The following EYS variants were observed in gnomAD, a reference collection of about 807,000 sequenced individuals.
The protein encoded by EYS is EGF-like photoreceptor maintenance factor, also known as protein eyes shut homolog.
In EYS, 250 loss-of-function variants were observed where a neutral mutation model predicts 282.1. The observed-to-expected ratio is 0.89, with a 90% CI of 0.80 to 0.98. The LOEUF (loss-of-function observed/expected upper bound fraction) is 0.98, where lower values mean the gene tolerates loss of function less well. Ranked by LOEUF, EYS falls within the 50% of genes least tolerant of loss-of-function variation. EYS has a pLI of 0.00. For synonymous variants in EYS, 1,355 were observed against 1,282.9 expected, an observed-to-expected ratio of 1.06 and a Z score of -1.20; for missense variants, 4,016 against 3,709.0, an observed-to-expected ratio of 1.08 and a Z score of -2.15.
At chr6:65,584,563 T>C (rs926623723) in intron 2 of EYS, among the ~76,000 whole-genome samples, 7 of 151,964 alleles carry the variant, frequency 4.6e-5, no homozygotes, top group Non-Finnish European at 1.0e-4. Flanking sequence ...TAACTTTTAG[T>C]TCCAACTGAA....
chr6:65,029,946 C>A (rs1261527908), intron 13 of EYS, among the ~76,000 whole-genome samples: 2 of 152,132 alleles, frequency 1.3e-5, no homozygotes, highest in Non-Finnish European at 2.9e-5. Context: ...CCCACTCTCA[C>A]TATGGAACAC....
intron 12 of EYS, among the ~76,000 whole-genome samples, chr6:65,141,244 A>T (rs1400979732): frequency 6.6e-6 from 1 of 152,106 alleles, no homozygotes; most frequent in African/African-American, 2.4e-5. Context: ...TCACAAGGAC[A>T]AAAAACCAAA....
chr6:65,277,251 G>T (rs1451798684), intron 12 of EYS, among the ~76,000 whole-genome samples: 1 of 151,972 alleles, frequency 6.6e-6, no homozygotes, highest in Non-Finnish European at 1.5e-5. Flanking sequence ...TGGCCAACAT[G>T]ATGAAACACC....
intron 29 of EYS, among the ~76,000 whole-genome samples, chr6:64,340,298 T>C (rs1771051059): frequency 6.6e-6 from 1 of 151,634 alleles, no homozygotes; most frequent in South Asian, 2.1e-4. Flanking sequence ...GCCAGAGGCA[T>C]CACACTACCT....
intron 41 of EYS, 50 bp downstream of exon 41, chr6:63,762,411 A>G (rs1224836109): frequency 1.3e-5 from 20 of 1,506,562 alleles, no homozygotes; most frequent in Non-Finnish European, 1.3e-5. Context: ...TGAAGTTCCT[A>G]ATTTTAGTTA....
chr6:63,787,912 C>T (rs1008770257), intron 39 of EYS, among the ~76,000 whole-genome samples, 193 bp downstream of exon 39: 6 of 152,056 alleles, frequency 3.9e-5, no homozygotes, highest in Non-Finnish European at 5.9e-5. Context: ...GCACTCCAGC[C>T]TGGGCAACAA....
chr6:65,443,166 G>GCA (rs1768446913), intron 5 of EYS, among the ~76,000 whole-genome samples: 1 of 143,298 alleles, frequency 7.0e-6, no homozygotes. Context: ...ACATATATGA[G>GCA]CACATATGTG....
At chr6:65,037,433 A>G (rs1038898754) in intron 13 of EYS, among the ~76,000 whole-genome samples, 3 of 151,796 alleles carry the variant, frequency 2.0e-5, no homozygotes, top group African/African-American at 7.2e-5. Context: ...TTCGCACGTT[A>G]TATACCTGCA....
chr6:64,191,273 GA>G (rs571147822), intron 31 of EYS, among the ~76,000 whole-genome samples: 27 of 151,690 alleles, frequency 1.8e-4, no homozygotes, highest in Non-Finnish European at 3.1e-4. Flanking sequence ...ACACCATAGG[GA>G]AATTTTCTTA....
At chr6:65,694,950 A>C (rs1769389732) in intron 1 of EYS, among the ~76,000 whole-genome samples, 1 of 152,032 alleles carries the variant, frequency 6.6e-6, no homozygotes, top group South Asian at 2.1e-4. Context: ...AAAATTCCTT[A>C]ATCTCCCTGA....
At position 65,388,476 on chromosome 6, in the gene EYS, G is replaced by A. The variant is rs527501239; in HGVS notation, c.1185-3976C>T. ...GATCAACAGGAAAGACATCTTTGAG[G>A]AGATAATATTTGAGTGAATGGCTGA... On this transcript the variant is annotated intron_variant, in intron 7 of 42. Transcript: ENST00000503581. 5.9e-5 allele frequency among the ~76,000 whole-genome samples: 9 copies of A among 152,132 alleles called. No homozygotes were observed. In the South Asian group the frequency reaches 1.9e-3, roughly 32 times the overall value.
At chr6:64,463,096 G>A (rs375493213) in intron 26 of EYS, among the ~76,000 whole-genome samples, 13 of 151,842 alleles carry the variant, frequency 8.6e-5, no homozygotes, top group East Asian at 5.9e-4. Context: ...ACAGGTGCCC[G>A]CCACCACGCC....
At position 64,785,043 on chromosome 6, in the gene EYS, C is replaced by T. The variant is rs185194763; in HGVS notation, c.3443+28335G>A. On this transcript the variant is annotated intron_variant, in intron 22 of 42. Transcript: ENST00000503581. ...TGGGAGACTGAGCTGAGAGGAACTC[C>T]TGAACCCAGGAGTATGAGGCCAACC... 3.1e-4 allele frequency among the ~76,000 whole-genome samples: 47 copies of T among 152,156 alleles called. No homozygotes were observed. The East Asian group carries it at 8.9e-3, about 29-fold the overall frequency.
chr6:63,835,490 C>G (rs907098811), intron 36 of EYS, among the ~76,000 whole-genome samples: 3 of 151,910 alleles, frequency 2.0e-5, no homozygotes, highest in Non-Finnish European at 4.4e-5. Flanking sequence ...AATGAAAAAT[C>G]AAACATCATA....
intron 12 of EYS, among the ~76,000 whole-genome samples, chr6:65,180,596 A>G (rs1765352359): frequency 6.6e-6 from 1 of 152,190 alleles, no homozygotes; most frequent in Non-Finnish European, 1.5e-5. Flanking sequence ...GCTCATGGGT[A>G]GGAAGAATCA....
At chr6:65,522,677 T>A (rs538811058) in intron 2 of EYS, among the ~76,000 whole-genome samples, 2 of 152,262 alleles carry the variant, frequency 1.3e-5, no homozygotes, top group Non-Finnish European at 2.9e-5. Context: ...TTATTATGTA[T>A]TTTGCATATT....
In EYS at chr6:64,060,760, T is replaced by C. The variant is rs1471003566; in HGVS notation, c.6725+5578A>G. On this transcript the variant is annotated intron_variant, in intron 33 of 42. Coordinates refer to ENST00000503581, the MANE Select transcript of EYS (RefSeq NM_001142800.2). The stretch of plus-strand genomic sequence containing the variant: ...ATAAAACTTAGCAGTTTTTATTTTG[T>C]TTTCTGAACCAAATATTATCAAAGG... Among the ~76,000 whole-genome samples the C allele has an allele frequency of 9.2e-5, 14 of 152,288 alleles. No individual in the cohort carries two copies. In the East Asian group the frequency reaches 2.5e-3, roughly 27 times the overall value.
intron 12 of EYS, among the ~76,000 whole-genome samples, chr6:65,140,478 G>A (rs1300085382): frequency 6.6e-6 from 1 of 151,896 alleles, no homozygotes; most frequent in Admixed American, 6.6e-5. Flanking sequence ...AGTATTTAAA[G>A]AAATAATGGC....
At chr6:64,550,074 T>C (rs2149804865) in intron 26 of EYS, among the ~76,000 whole-genome samples, 1 of 152,350 alleles carries the variant, frequency 6.6e-6, no homozygotes, top group South Asian at 2.1e-4. Flanking sequence ...AATCATCCTT[T>C]TTTATGGCTG....
Sources: allele counts gnomAD v4.1 joint callset (sites outside exome capture counted in the v4.1 genomes callset), GRCh38; gene constraint gnomAD v4.1.1; transcripts MANE v1.5; gene names NCBI Gene and HGNC (gene_info 2026-07-23, HGNC 2026-07-21).